Variants in ACOX3 observed in about 807,000 individuals in gnomAD.
ACOX3 encodes peroxisomal acyl-coenzyme A oxidase 3.
In ACOX3, 73 loss-of-function variants were observed where a neutral mutation model predicts 81.5. The ratio of observed to expected loss-of-function variants is 0.90; its 90% CI spans 0.74 to 1.09. The LOEUF (loss-of-function observed/expected upper bound fraction) is 1.09, where lower values mean the gene tolerates loss of function less well. Ranked by LOEUF, ACOX3 falls within the 50% of genes least tolerant of loss-of-function variation. ACOX3 has a pLI of 0.00. For missense variants in ACOX3, 947 were observed against 928.0 expected (o/e 1.02, Z -0.27); for synonymous variants, 387 against 375.1 (o/e 1.03, Z -0.37).
chr4:8,392,256 A>G (rs890431814), intron 11 of ACOX3, 77 bp downstream of exon 11: 56 of 1,356,944 alleles, frequency 4.1e-5, no homozygotes, highest in Non-Finnish European at 5.2e-5. Context: ...CTCAGGCCGC[A>G]GTCTGCCGAC....
chr4:8,358,500 G>A, the ACOX3 span, among the ~76,000 whole-genome samples: 1 of 152,066 alleles, frequency 6.6e-6, no homozygotes, highest in South Asian at 2.1e-4. Context: ...TCTTGAATAT[G>A]AGCTGGGTAA....
At chr4:8,383,463 A>T (rs1241061878) in intron 13 of ACOX3, among the ~76,000 whole-genome samples, 1 of 152,190 alleles carries the variant, frequency 6.6e-6, no homozygotes. Context: ...ACGTGTCCTT[A>T]CAAGATGCAG....
intron 1 of ACOX3, among the ~76,000 whole-genome samples, chr4:8,420,038 C>T (rs1054677505): frequency 4.6e-5 from 7 of 152,206 alleles, no homozygotes; most frequent in African/African-American, 1.4e-4. Context: ...CTGTGTTAAG[C>T]AGCTACATAG....
intron 1 of ACOX3, among the ~76,000 whole-genome samples, chr4:8,440,103 A>G (rs1169535303): frequency 6.6e-6 from 1 of 152,242 alleles, no homozygotes; most frequent in Non-Finnish European, 1.5e-5. Context: ...CTGTTCTGTT[A>G]GCTGATTCAT....
chr4:8,421,408 G>A (rs1017976191), intron 1 of ACOX3, among the ~76,000 whole-genome samples: 1 of 152,248 alleles, frequency 6.6e-6, no homozygotes, highest in African/African-American at 2.4e-5. Flanking sequence ...GGGCTGACTA[G>A]AGGCAGAAAG....
At chr4:8,415,690 G>T in intron 3 of ACOX3, 76 bp downstream of exon 3, 1 of 1,265,436 alleles carries the variant, frequency 7.9e-7, no homozygotes. Flanking sequence ...CCTCTTGGTT[G>T]GCCCTGGGAC....
intron 7 of ACOX3, among the ~76,000 whole-genome samples, chr4:8,403,739 T>G (rs1228135490): frequency 2.6e-5 from 4 of 152,088 alleles, no homozygotes; most frequent in Non-Finnish European, 5.9e-5. Context: ...CAGTAAGAGG[T>G]GTGGATTCAA....
intron 16 of ACOX3, among the ~76,000 whole-genome samples, chr4:8,372,022 G>C (rs914725479): frequency 3.9e-5 from 6 of 152,186 alleles, no homozygotes; most frequent in African/African-American, 1.4e-4. Context: ...CCCCAAGACA[G>C]TGGTATGGAT....
chr4:8,388,240 G>A (rs1250509994), intron 13 of ACOX3, among the ~76,000 whole-genome samples: 1 of 152,206 alleles, frequency 6.6e-6, no homozygotes, highest in Non-Finnish European at 1.5e-5. Flanking sequence ...CACCAGCCAG[G>A]ATCACTGCTT....
chr4:8,357,869 C>G, the ACOX3 span: 1 of 158,096 alleles, frequency 6.3e-6, no homozygotes, highest in African/African-American at 2.4e-5. Flanking sequence ...AATTCTAAGT[C>G]CCCCAGCCAA....
At chr4:8,401,996 C>A (rs1023601919) in intron 7 of ACOX3, among the ~76,000 whole-genome samples, 5 of 152,228 alleles carry the variant, frequency 3.3e-5, no homozygotes, top group Admixed American at 2.6e-4. Context: ...GGCTCACCCC[C>A]CTCCATGAGG....
In ACOX3 at chr4:8,416,879, G is replaced by A. The variant is rs1471323225; in HGVS notation, c.-14-344C>T. Among the ~76,000 whole-genome samples, 1 of 152,136 alleles carries A rather than the reference G, an allele frequency of 6.6e-6. No homozygotes were observed. Among genetic ancestry groups the A allele is most frequent in the Non-Finnish European group, 1.5e-5 (1 of 68,026 alleles). On this transcript the variant is annotated intron_variant, in intron 1 of 17. Transcript: ENST00000356406. The surrounding 1 kb of genome is among the most constrained non-coding windows in gnomAD (Gnocchi z 4.2). Reference sequence around the variant, plus strand: ...TACCCTGCCCTCTTGGGAGCACCCCGGACATCCAGACTCATCCCCAAGGCT... The same window carrying A: ...TACCCTGCCCTCTTGGGAGCACCCCAGACATCCAGACTCATCCCCAAGGCT...
intron 14 of ACOX3, among the ~76,000 whole-genome samples, chr4:8,380,159 T>C (rs1291601742): frequency 6.6e-6 from 1 of 151,794 alleles, no homozygotes; most frequent in Non-Finnish European, 1.5e-5. Flanking sequence ...TGACTTCATT[T>C]CTTTTCAGTT....
rs1720286441 is a variant in ACOX3, at chr4:8,400,800, G to A, written c.777-1148C>T. On this transcript the variant is annotated intron_variant, in intron 7 of 17. Coordinates refer to ENST00000356406, the MANE Select transcript of ACOX3 (RefSeq NM_003501.3). The surrounding 1 kb of genome is among the most constrained non-coding windows in gnomAD (Gnocchi z 4.4). ...TTTTGGCACCAGGGACCGGTTTTAT[G>A]GAAGACAATTTTTCCACGAATGAGG... Among the ~76,000 whole-genome samples, 1 of 152,156 alleles carries A rather than the reference G, an allele frequency of 6.6e-6. No individual in the cohort carries two copies. The highest frequency in any genetic ancestry group is 1.9e-4 in the East Asian group (1 of 5,194).
intron 16 of ACOX3, 133 bp downstream of exon 16, chr4:8,373,428 C>T (rs529738747): frequency 1.0e-4 from 94 of 915,064 alleles, no homozygotes; most frequent in Middle Eastern, 3.3e-4. Context: ...CTGGGTGACG[C>T]TAAGGGGGTG....
rs1718388109 is a variant in ACOX3 at position 8,386,961 on chromosome 4, GT to G, written c.1537+2211del. Among the ~76,000 whole-genome samples the G allele has an allele frequency of 3.3e-5, 5 of 152,232 alleles. No individual in the cohort carries two copies. Among genetic ancestry groups the G allele is most frequent in the Non-Finnish European group, 7.3e-5 (5 of 68,052 alleles). On this transcript the variant is annotated intron_variant, in intron 13 of 17. Transcript: ENST00000356406. This position sits in a 1 kb window ranked among gnomAD's most constrained non-coding sequence, Gnocchi z 5.2. Reference sequence around the variant, plus strand: ...TGGAACGCGTCCTCCATGTGTGCCTGTCCCCTGCATGAGGGAGGCCAGTGCT... The same window carrying G: ...TGGAACGCGTCCTCCATGTGTGCCTGCCCCTGCATGAGGGAGGCCAGTGCT...
chr4:8,409,517 C>T (rs1050962667), intron 6 of ACOX3, among the ~76,000 whole-genome samples: 3 of 148,914 alleles, frequency 2.0e-5, no homozygotes, highest in Non-Finnish European at 4.4e-5. Flanking sequence ...TGTCTGTGCA[C>T]TGCGGGTGGG....
At chr4:8,436,118 T>C (rs1444975067) in intron 1 of ACOX3, 1 of 152,214 alleles carries the variant, frequency 6.6e-6, no homozygotes, top group Admixed American at 6.5e-5. Context: ...TTTTTAACCA[T>C]TGATCTACTA....
In ACOX3 at chr4:8,405,574, T is replaced by G. The variant is rs1002976669; in HGVS notation, c.776+381A>C. Among the ~76,000 whole-genome samples the G allele has an allele frequency of 9.2e-5, 14 of 152,228 alleles. No homozygotes were observed. The highest frequency in any genetic ancestry group is 3.1e-4 in the African/African-American group (13 of 41,444). On this transcript the variant is annotated intron_variant, in intron 7 of 17. Transcript: ENST00000356406. The surrounding 1 kb of genome is among the most constrained non-coding windows in gnomAD (Gnocchi z 7.1). ...GGCAGAAACTGCAGATATGGGTCCC[T>G]CGAGATCAGCATGGATGTGTGCAGA... is the stretch of plus-strand genomic sequence containing the variant.
Sources: allele counts gnomAD v4.1 joint callset (sites outside exome capture counted in the v4.1 genomes callset), GRCh38; gene constraint gnomAD v4.1.1; non-coding constraint Gnocchi (gnomAD v3.1); transcripts MANE v1.5; gene names NCBI Gene and HGNC (gene_info 2026-07-23, HGNC 2026-07-21).